PCDH17: variants seen among roughly 807,000 people sequenced by gnomAD.
PCDH17 encodes the protein protocadherin 17, also known as protocadherin-17.
In PCDH17, 21 loss-of-function variants were observed where a neutral mutation model predicts 67.7. The ratio of observed to expected loss-of-function variants is 0.31; its 90% confidence interval spans 0.22 to 0.45. PCDH17 has a LOEUF of 0.45. Ranked by LOEUF, PCDH17 falls within the 20% of genes least tolerant of loss-of-function variation. PCDH17 has a pLI of 1.00. For missense variants in PCDH17, 1,471 were observed against 1,564.8 expected, an observed-to-expected ratio of 0.94 and a Z score of 1.01; for synonymous variants, 701 against 656.7, an observed-to-expected ratio of 1.07 and a Z score of -1.03.
intron 1 of PCDH17, among the ~76,000 whole-genome samples, chr13:57,660,587 C>T (rs1392985487): frequency 6.6e-6 from 1 of 152,066 alleles, no homozygotes; most frequent in African/African-American, 2.4e-5. Context: ...GTGTATAGTT[C>T]TATGACTGTT....
intron 3 of PCDH17, among the ~76,000 whole-genome samples, chr13:57,688,127 C>T (rs1371592155): frequency 6.6e-6 from 1 of 151,706 alleles, no homozygotes; most frequent in Non-Finnish European, 1.5e-5. Context: ...GGGCTTCTCT[C>T]CTTCAATAAC....
At position 57,633,923 on chromosome 13, in the gene PCDH17, G is replaced by A; in HGVS notation, c.1377G>A (p.Ala459=). 6.2e-7 allele frequency: 1 copy of A among 1,613,408 alleles called. No individual in the cohort carries two copies. ...SPPLNSTKSF[A]IKILDENDNP... is the part of the protein sequence containing the mutation. ...CCCTCAACTCCACCAAGTCGTTCGC[G>A]ATCAAGATTCTAGACGAGAACGACA... is the stretch of plus-strand genomic sequence containing the variant. Residue 459 remains alanine (A), a synonymous_variant, in exon 1 of 4, where the codon GCG becomes GCA. Transcript: ENST00000377918. This position sits in a 1 kb window ranked among gnomAD's most constrained non-coding sequence, Gnocchi z 6.2.
At chr13:57,679,047 G>C (rs769333022) in intron 3 of PCDH17, among the ~76,000 whole-genome samples, 2 of 151,244 alleles carry the variant, frequency 1.3e-5, no homozygotes, top group Admixed American at 6.6e-5. Flanking sequence ...CTGAATACTC[G>C]CACTAAATAG....
Position 57,633,326 on chromosome 13 carries a change from A to G in PCDH17, c.780A>G (p.Thr260=), listed in dbSNP as rs142476974. The G allele has an allele frequency of 4.5e-3, 7,199 of 1,613,258 alleles. 25 individuals are homozygous for G. The highest frequency in any genetic ancestry group is 5.6e-3 in the Non-Finnish European group (6,599 of 1,180,010). Residue 260 remains threonine, a synonymous_variant, in exon 1 of 4, where the codon ACA becomes ACG. Coordinates refer to ENST00000377918, the MANE Select transcript of PCDH17 (RefSeq NM_001040429.3). The surrounding 1 kb of genome is among the most constrained non-coding windows in gnomAD (Gnocchi z 6.2). ...TGCCCGAGAACGCTCCGCTGGGTACAGTGGTCATCGATCTGAACGCCACCG... is the reference window on the plus strand; with the variant it reads ...TGCCCGAGAACGCTCCGCTGGGTACGGTGGTCATCGATCTGAACGCCACCG... The part of the protein sequence containing the change: ...VELPENAPLG[T]VVIDLNATDA...
chr13:57,713,154 CCTCTT>C (rs1386483236), intron 3 of PCDH17, among the ~76,000 whole-genome samples: 12 of 151,588 alleles, frequency 7.9e-5, no homozygotes, highest in African/African-American at 2.9e-4. Flanking sequence ...AATTTCCTGA[CCTCTT>C]CTACCAATTT....
chr13:57,670,660 G>A (rs2138030572), intron 3 of PCDH17, among the ~76,000 whole-genome samples: 1 of 151,312 alleles, frequency 6.6e-6, no homozygotes, highest in East Asian at 1.9e-4. Context: ...ATTTAGAAAT[G>A]AAAATCAATT....
chr13:57,688,178 A>G (rs1179938175), intron 3 of PCDH17, among the ~76,000 whole-genome samples: 1 of 151,814 alleles, frequency 6.6e-6, no homozygotes, highest in Non-Finnish European at 1.5e-5. Context: ...ATGGTGGTGC[A>G]CACCTGTAGT....
At chr13:57,722,645 T>C (rs1341726504) in intron 3 of PCDH17, among the ~76,000 whole-genome samples, 2 of 152,298 alleles carry the variant, frequency 1.3e-5, no homozygotes, top group Non-Finnish European at 2.9e-5. Flanking sequence ...AGACAGGGTT[T>C]AACTCTGTCA....
chr13:57,705,193 T>C (rs1955710329), intron 3 of PCDH17, among the ~76,000 whole-genome samples: 1 of 151,968 alleles, frequency 6.6e-6, no homozygotes, highest in Non-Finnish European at 1.5e-5. Context: ...TAATAACCCA[T>C]ATTGCTAATA....
rs1954745480 is a variant in PCDH17 at position 57,632,733 on chromosome 13, A to G, written c.187A>G (p.Ser63Gly). 3 of 1,612,088 alleles carry G rather than the reference A, an allele frequency of 1.9e-6. No homozygotes were observed. Among genetic ancestry groups the G allele is most frequent in the Non-Finnish European group, 2.5e-6 (3 of 1,179,932 alleles). ...CGGCGGAGGGCGCAGCAAGTCGGGT[A>G]GCTACCGGGTGCTGGAGAACTCCGC... ...RGGGGRSKSG[S>G]YRVLENSAPH... is the part of the protein sequence containing the mutation. The change falls in exon 1 of 4, where the codon AGC (serine) becomes GGC (glycine). Residue 63 changes from serine to glycine, a missense_variant. This residue lies in a region of PCDH17 where 1,163 missense variants were observed against 1,230.0 expected (regional missense o/e 0.95). Transcript: ENST00000377918.
chr13:57,666,316 G>T, intron 1 of PCDH17, 152 bp from the exon 2 acceptor site: 1 of 645,896 alleles, frequency 1.5e-6, no homozygotes, highest in Non-Finnish European at 2.8e-6. Context: ...ATAATTACAT[G>T]TCAGCAATTT....
At chr13:57,661,694 G>T (rs1476058900) in intron 1 of PCDH17, among the ~76,000 whole-genome samples, 1 of 152,044 alleles carries the variant, frequency 6.6e-6, no homozygotes. Context: ...ATAGATCAAG[G>T]TTCATTTCTA....
intron 1 of PCDH17, among the ~76,000 whole-genome samples, chr13:57,640,645 T>C (rs933860205): frequency 1.3e-5 from 2 of 151,962 alleles, no homozygotes; most frequent in African/African-American, 4.8e-5. Context: ...CAGTGGGCAA[T>C]AGGTTGAAGC....
At chr13:57,705,343 T>G (rs781621266) in intron 3 of PCDH17, among the ~76,000 whole-genome samples, 10 of 152,098 alleles carry the variant, frequency 6.6e-5, no homozygotes, top group Non-Finnish European at 2.9e-5. Context: ...TAAGTTTTCA[T>G]TTTCTAGAAA....
At chr13:57,707,097 A>G (rs1955727944) in intron 3 of PCDH17, among the ~76,000 whole-genome samples, 1 of 152,064 alleles carries the variant, frequency 6.6e-6, no homozygotes, top group Non-Finnish European at 1.5e-5. Context: ...TAACCACACC[A>G]CACACATCAC....
upstream of PCDH17, among the ~76,000 whole-genome samples, chr13:57,630,188 G>C (rs184847008): frequency 1.5e-3 from 226 of 152,302 alleles, 1 homozygote; most frequent in Non-Finnish European, 2.6e-3. Context: ...CTGGGGAGAC[G>C]CTACTCCAAC....
At chr13:57,680,184 A>C (rs924048374) in intron 3 of PCDH17, among the ~76,000 whole-genome samples, 3 of 151,328 alleles carry the variant, frequency 2.0e-5, no homozygotes, top group Non-Finnish European at 4.4e-5. Context: ...ATATATAATT[A>C]ATTTTGCTAG....
intron 3 of PCDH17, among the ~76,000 whole-genome samples, chr13:57,679,596 T>C (rs1411255914): frequency 6.6e-6 from 1 of 151,566 alleles, no homozygotes; most frequent in Non-Finnish European, 1.5e-5. Context: ...GAAATTGATT[T>C]GTCTGCCCTA....
chr13:57,715,744 A>AATACCTAGCGAATCTCTTTTGT (rs1955811479), intron 3 of PCDH17, among the ~76,000 whole-genome samples: 1 of 151,818 alleles, frequency 6.6e-6, no homozygotes, highest in Admixed American at 6.6e-5. Context: ...CTCTCTTTTG[A>AATACCTAGCGAATCTCTTTTGT]ATACCTAGCG....
Sources: allele counts gnomAD v4.1 joint callset (sites outside exome capture counted in the v4.1 genomes callset), GRCh38; gene constraint gnomAD v4.1.1; regional missense constraint gnomAD v4.1.1; non-coding constraint Gnocchi (gnomAD v3.1); transcripts MANE v1.5; gene names NCBI Gene and HGNC (gene_info 2026-07-23, HGNC 2026-07-21).